Variants in TRAPPC9 observed in about 807,000 individuals in gnomAD.
The protein encoded by TRAPPC9 is IKK2 binding protein.
A neutral mutation model predicts 124.0 loss-of-function variants in TRAPPC9; 83 were observed. The ratio of observed to expected loss-of-function variants is 0.67; its 90% CI spans 0.56 to 0.80. TRAPPC9 has a LOEUF of 0.80. Among genes scored for constraint, TRAPPC9 ranks in the 30% least tolerant of loss-of-function variants. TRAPPC9 has a pLI of 0.00. For synonymous variants in TRAPPC9, 638 were observed against 617.5 expected (o/e 1.03, Z -0.49); for missense variants, 1,302 against 1,508.3 (o/e 0.86, Z 2.27).
chr8:140,392,962 T>C (rs891775758), intron 7 of TRAPPC9, among the ~76,000 whole-genome samples: 4 of 152,248 alleles, frequency 2.6e-5, no homozygotes, highest in Non-Finnish European at 5.9e-5. Context: ...TAGCACTTTA[T>C]ATGCATTATT....
chr8:140,174,556 T>C (rs570218762), intron 17 of TRAPPC9, among the ~76,000 whole-genome samples: 1 of 152,284 alleles, frequency 6.6e-6, no homozygotes, highest in South Asian at 2.1e-4. Flanking sequence ...CCATTAGCAG[T>C]CACTCCCGAT....
chr8:139,942,410 G>A (rs1428114786), intron 19 of TRAPPC9, among the ~76,000 whole-genome samples: 3 of 152,106 alleles, frequency 2.0e-5, no homozygotes, highest in Admixed American at 6.6e-5. Context: ...AGAATCTTAA[G>A]AGCTTCTAAT....
At chr8:140,116,738 A>T (rs2060894030) in intron 17 of TRAPPC9, among the ~76,000 whole-genome samples, 1 of 152,178 alleles carries the variant, frequency 6.6e-6, no homozygotes, top group Non-Finnish European at 1.5e-5. Context: ...CGGACAAGCT[A>T]GAGAGAAGAG....
intron 17 of TRAPPC9, among the ~76,000 whole-genome samples, chr8:140,046,844 C>T (rs1164086667): frequency 6.6e-6 from 1 of 152,180 alleles, no homozygotes; most frequent in South Asian, 2.1e-4. Flanking sequence ...TATCTTAGCT[C>T]CACAAGCAAC....
intron 8 of TRAPPC9, among the ~76,000 whole-genome samples, chr8:140,368,815 A>G (rs1194383307): frequency 6.6e-6 from 1 of 152,180 alleles, no homozygotes; most frequent in African/African-American, 2.4e-5. Flanking sequence ...CTTTTAAATG[A>G]GGCAGGAGGA....
Position 140,104,874 on chromosome 8 carries a change from T to C in TRAPPC9, c.2557-80795A>G, listed in dbSNP as rs1200477182. On this transcript the variant is annotated intron_variant, in intron 17 of 22. Transcript: ENST00000438773. This position sits in a 1 kb window ranked among gnomAD's most constrained non-coding sequence, Gnocchi z 4.0. Reference sequence around the variant, plus strand: ...CTAACCCTTTTAGAAACAGTGTTAATGGCGACATTTAACGACATGGAGCTC... The same window carrying C: ...CTAACCCTTTTAGAAACAGTGTTAACGGCGACATTTAACGACATGGAGCTC... Among the ~76,000 whole-genome samples, 2 of 152,232 alleles carry C rather than the reference T, an allele frequency of 1.3e-5. No homozygotes were observed. The highest frequency in any genetic ancestry group is 2.9e-5 in the Non-Finnish European group (2 of 68,036).
At chr8:140,433,668 A>G (rs2070725825) in intron 4 of TRAPPC9, among the ~76,000 whole-genome samples, 1 of 152,230 alleles carries the variant, frequency 6.6e-6, no homozygotes, top group Admixed American at 6.5e-5. Flanking sequence ...ATAAAGGAAA[A>G]GTAACTGATG....
chr8:139,837,183 C>T lies in TRAPPC9; in HGVS notation c.3055+48696G>A, dbSNP rs543955911. On this transcript the variant is annotated intron_variant, in intron 21 of 22. Transcript: ENST00000438773. ...TGCAAAGCCTAGAAAGGCTGGACTACGGTTCTTACCATCACCGTGACACAC... is the reference window on the plus strand; with the variant it reads ...TGCAAAGCCTAGAAAGGCTGGACTATGGTTCTTACCATCACCGTGACACAC... 5.9e-5 allele frequency among the ~76,000 whole-genome samples: 9 copies of T among 152,330 alleles called. No homozygotes were observed. In the South Asian group the frequency reaches 1.0e-3, roughly 18 times the overall value.
intron 17 of TRAPPC9, among the ~76,000 whole-genome samples, chr8:140,147,558 C>A (rs1455976408): frequency 6.6e-6 from 1 of 152,186 alleles, no homozygotes; most frequent in Non-Finnish European, 1.5e-5. Context: ...ACATGGATAA[C>A]TTCAGCGCAA....
chr8:139,988,791 C>T lies in TRAPPC9; in HGVS notation c.2745G>A (p.Glu915=). The change falls in exon 19 of 23, where the codon GAG becomes GAA. Residue 915 remains glutamate, a synonymous_variant. Transcript: ENST00000438773. ...HLLLDVFNST[E]HELTVSTRSS... ...TCCTGGTGCTGACGGTCAGCTCATG[C>T]TCGGTGGAGTTGAAGACATCCAGGA... 1 of 1,551,560 alleles carries T rather than the reference C, an allele frequency of 6.4e-7. No individual in the cohort carries two copies. Among genetic ancestry groups the T allele is most frequent in the Non-Finnish European group, 8.7e-7 (1 of 1,146,974 alleles).
intron 19 of TRAPPC9, among the ~76,000 whole-genome samples, chr8:139,966,700 C>T (rs1485394405): frequency 3.3e-5 from 5 of 152,124 alleles, no homozygotes; most frequent in Admixed American, 1.3e-4. Context: ...TTTTCTGTAC[C>T]GGCCATAGGG....
At chr8:140,088,235 T>C (rs1844327726) in intron 17 of TRAPPC9, among the ~76,000 whole-genome samples, 1 of 152,202 alleles carries the variant, frequency 6.6e-6, no homozygotes, top group Non-Finnish European at 1.5e-5. Flanking sequence ...ACTTTAAATG[T>C]CTTGTTCACA....
intron 19 of TRAPPC9, among the ~76,000 whole-genome samples, chr8:139,952,945 C>T (rs897601422): frequency 6.6e-6 from 1 of 152,222 alleles, no homozygotes; most frequent in African/African-American, 2.4e-5. Flanking sequence ...GACCCCACGG[C>T]TTGTCAGAAG....
chr8:140,230,509 G>A (rs1156234863), intron 16 of TRAPPC9, among the ~76,000 whole-genome samples: 1 of 152,110 alleles, frequency 6.6e-6, no homozygotes, highest in African/African-American at 2.4e-5. Context: ...CCACTCAGGA[G>A]GCTGAGGCAG....
At chr8:140,208,295 G>C (rs1354062982) in intron 17 of TRAPPC9, among the ~76,000 whole-genome samples, 1 of 152,210 alleles carries the variant, frequency 6.6e-6, no homozygotes, top group Non-Finnish European at 1.5e-5. Context: ...CACACCGGAA[G>C]TGTCCGTAAG....
At chr8:140,404,909 CGTGTGTGTGTGTGTGTGT>C (rs71320356) in intron 6 of TRAPPC9, among the ~76,000 whole-genome samples, 2 of 119,964 alleles carry the variant, frequency 1.7e-5, no homozygotes, top group African/African-American at 2.8e-5. Context: ...TGTGAGCATG[CGTGTGTGTGTGTGTGTGT>C]GTGTGTGTGT....
chr8:139,983,502 C>T (rs1163943483), intron 19 of TRAPPC9, among the ~76,000 whole-genome samples: 39 of 151,970 alleles, frequency 2.6e-4, no homozygotes, highest in Admixed American at 2.6e-3. Context: ...GCTTTTCTTC[C>T]ACACCTAAAT....
chr8:139,841,862 C>A (rs1826754869), intron 21 of TRAPPC9, among the ~76,000 whole-genome samples: 1 of 152,242 alleles, frequency 6.6e-6, no homozygotes. Flanking sequence ...GCCCCAGCTG[C>A]CTGCACAACA....
chr8:140,434,547 A>C (rs1004947516), intron 4 of TRAPPC9, among the ~76,000 whole-genome samples: 4 of 152,240 alleles, frequency 2.6e-5, no homozygotes, highest in Non-Finnish European at 4.4e-5. Context: ...AGACTTAGAC[A>C]CAGAACCTCA....
Sources: gnomAD v4.1 joint callset for allele counts (sites outside exome capture counted in the v4.1 genomes callset) on GRCh38, gnomAD v4.1.1 for gene constraint, Gnocchi (gnomAD v3.1) non-coding constraint, MANE v1.5 for transcripts, NCBI Gene and HGNC (gene_info 2026-07-23, HGNC 2026-07-21) for gene names.